ZBTB7C: variants seen among roughly 807,000 people sequenced by gnomAD.
ZBTB7C encodes zinc finger and BTB domain-containing protein 7C.
A neutral mutation model predicts 25.7 loss-of-function variants in ZBTB7C; 8 were observed. That is an observed-to-expected ratio of 0.31 (90% CI 0.18 to 0.56). The LOEUF is 0.56. ZBTB7C is among the 20% of genes least tolerant of loss of function. The pLI, the probability that ZBTB7C is intolerant of heterozygous loss-of-function variation, is 0.91. For missense variants in ZBTB7C, 824 were observed against 855.2 expected (o/e 0.96, Z 0.46); for synonymous variants, 394 against 369.0 (o/e 1.07, Z -0.78).
At chr18:48,145,301 C>T (rs562145922) in intron 3 of ZBTB7C, among the ~76,000 whole-genome samples, 6 of 152,294 alleles carry the variant, frequency 3.9e-5, no homozygotes, top group Middle Eastern at 6.8e-3. Flanking sequence ...TGCTTTTGCT[C>T]CTTTCTCCTC....
At chr18:48,202,950 C>T (rs1348490592) in intron 2 of ZBTB7C, among the ~76,000 whole-genome samples, 1 of 151,998 alleles carries the variant, frequency 6.6e-6, no homozygotes, top group Non-Finnish European at 1.5e-5. Flanking sequence ...TACCTCCCCA[C>T]CTACGCCCCT....
chr18:48,045,105 G>A (rs34250567), intron 3 of ZBTB7C, among the ~76,000 whole-genome samples: 3 of 152,240 alleles, frequency 2.0e-5, no homozygotes, highest in Non-Finnish European at 4.4e-5. Context: ...GAGGTGCTTA[G>A]GGATGCCTTT....
chr18:48,283,096 G>T (rs2044922624), intron 2 of ZBTB7C, among the ~76,000 whole-genome samples: 1 of 152,198 alleles, frequency 6.6e-6, no homozygotes. Flanking sequence ...ATGCAAATTA[G>T]TAAAGCTTTA....
chr18:48,330,888 C>T (rs1010819773), intron 2 of ZBTB7C, among the ~76,000 whole-genome samples: 5 of 152,122 alleles, frequency 3.3e-5, no homozygotes, highest in Non-Finnish European at 5.9e-5. Flanking sequence ...GGTTTATGTG[C>T]TCAGCTGCAG....
intron 1 of ZBTB7C, chr18:48,408,345 GAGACGTACACACCTTGAGAGA>G (rs1210476127): frequency 1.3e-5 from 2 of 152,360 alleles, no homozygotes; most frequent in Non-Finnish European, 2.9e-5. Flanking sequence ...AACGGAGCAA[GAGACGTACACACCTTGAGAGA>G]AGACGCACGC....
intron 1 of ZBTB7C, among the ~76,000 whole-genome samples, chr18:48,346,385 C>A (rs1282985521): frequency 1.3e-5 from 2 of 152,222 alleles, no homozygotes; most frequent in Admixed American, 1.3e-4. Flanking sequence ...ATGAGTCATG[C>A]CCTGGTTGAG....
intron 4 of ZBTB7C, among the ~76,000 whole-genome samples, chr18:48,030,581 A>G (rs955677441): frequency 1.3e-5 from 2 of 152,230 alleles, no homozygotes; most frequent in Non-Finnish European, 2.9e-5. Flanking sequence ...ATCTAGGGCA[A>G]AACTTTGCAG....
chr18:48,115,583 A>C (rs1013177342), intron 3 of ZBTB7C, among the ~76,000 whole-genome samples: 8 of 151,806 alleles, frequency 5.3e-5, no homozygotes, highest in Admixed American at 1.3e-4. Flanking sequence ...ACACACACAC[A>C]CCTGCATCTT....
At chr18:48,225,828 C>T (rs2043074211) in intron 2 of ZBTB7C, among the ~76,000 whole-genome samples, 1 of 152,108 alleles carries the variant, frequency 6.6e-6, no homozygotes. Flanking sequence ...CTGTGACCTC[C>T]ACCTCCCAGG....
chr18:48,333,300 A>G (rs1408340308), intron 2 of ZBTB7C, among the ~76,000 whole-genome samples: 2 of 152,200 alleles, frequency 1.3e-5, no homozygotes, highest in African/African-American at 4.8e-5. Flanking sequence ...AGCAATAAAG[A>G]TACTAATTTT....
chr18:48,176,009 T>C (rs1224294088), intron 3 of ZBTB7C, among the ~76,000 whole-genome samples: 3 of 152,142 alleles, frequency 2.0e-5, no homozygotes, highest in Admixed American at 6.5e-5. Flanking sequence ...GAGAGACCGA[T>C]GAGGAGCAGG....
chr18:48,152,314 G>A (rs992880312), intron 3 of ZBTB7C, among the ~76,000 whole-genome samples: 1 of 152,028 alleles, frequency 6.6e-6, no homozygotes, highest in Admixed American at 6.6e-5. Context: ...GAAAGTTTAT[G>A]ACCTCTAAAA....
At chr18:48,032,468 T>A (rs1437534241) in intron 4 of ZBTB7C, among the ~76,000 whole-genome samples, 1 of 126,030 alleles carries the variant, frequency 7.9e-6, no homozygotes, top group Non-Finnish European at 1.6e-5. Flanking sequence ...GGAGTCTCGC[T>A]CTGTCACCCA....
At chr18:48,349,342 C>A (rs2046811268) in intron 1 of ZBTB7C, among the ~76,000 whole-genome samples, 1 of 152,198 alleles carries the variant, frequency 6.6e-6, no homozygotes, top group South Asian at 2.1e-4. Flanking sequence ...AAGTCTGCAT[C>A]TTTTTTTGAT....
At chr18:48,042,127 A>G (rs983596541) in intron 3 of ZBTB7C, among the ~76,000 whole-genome samples, 2 of 152,232 alleles carry the variant, frequency 1.3e-5, no homozygotes, top group Non-Finnish European at 2.9e-5. Flanking sequence ...CAGGGCAGGT[A>G]GGGGCGTCCA....
chr18:48,110,699 T>C (rs1031949103), intron 3 of ZBTB7C, among the ~76,000 whole-genome samples: 6 of 152,124 alleles, frequency 3.9e-5, no homozygotes, highest in African/African-American at 1.4e-4. Context: ...CAAGCAGCCC[T>C]TCCTTCTGCC....
At chr18:48,347,985 C>T (rs777918958) in intron 1 of ZBTB7C, among the ~76,000 whole-genome samples, 1 of 152,224 alleles carries the variant, frequency 6.6e-6, no homozygotes, top group Non-Finnish European at 1.5e-5. Flanking sequence ...GAGCCCACAG[C>T]CCTGTTGGCC....
chr18:48,377,621 C>A (rs2047549443), intron 1 of ZBTB7C, among the ~76,000 whole-genome samples: 1 of 152,194 alleles, frequency 6.6e-6, no homozygotes. Context: ...TTTAGAACAA[C>A]AGTATTTAAA....
chr18:48,220,983 C>T (rs894246071), intron 2 of ZBTB7C, among the ~76,000 whole-genome samples: 3 of 151,974 alleles, frequency 2.0e-5, no homozygotes, highest in Admixed American at 2.0e-4. Flanking sequence ...TCCTAGTTTC[C>T]TCTATACTGT....
Sources: gnomAD v4.1 joint callset for allele counts (sites outside exome capture counted in the v4.1 genomes callset) on GRCh38, gnomAD v4.1.1 for gene constraint, MANE v1.5 for transcripts, NCBI Gene and HGNC (gene_info 2026-07-23, HGNC 2026-07-21) for gene names.